The following PRKG1 variants were observed in gnomAD, a reference collection of about 807,000 sequenced individuals.
PRKG1 encodes protein kinase cGMP-dependent 1, also known as cGMP-dependent protein kinase 1.
PRKG1 carries 35 observed loss-of-function variants against 88.1 expected under a neutral mutation model. The ratio of observed to expected loss-of-function variants is 0.40; its 90% confidence interval spans 0.30 to 0.53. PRKG1 has a LOEUF of 0.53. PRKG1 is among the 20% of genes least tolerant of loss of function. The pLI is 0.59. For missense variants in PRKG1, 540 were observed against 839.8 expected, an observed-to-expected ratio of 0.64 and a Z score of 4.41; for synonymous variants, 303 against 292.5, an observed-to-expected ratio of 1.04 and a Z score of -0.37.
chr10:52,028,652 A>C (rs1015485224), intron 5 of PRKG1, among the ~76,000 whole-genome samples: 2 of 152,184 alleles, frequency 1.3e-5, no homozygotes, highest in African/African-American at 4.8e-5. Context: ...TCCAATACCT[A>C]GTTTATTTTT....
Position 51,153,262 on chromosome 10 carries a change from TG to T in PRKG1, c.412del (p.Glu138SerfsTer33). On this transcript the variant is annotated frameshift_variant, in exon 2 of 18. Coordinates refer to ENST00000373980, the MANE Select transcript of PRKG1 (RefSeq NM_006258.4). LOFTEE classifies it high-confidence loss of function. ...GAGATTGTGGATTGTATGTACCCGG[TG>T]GAGTATGGCAAGGACAGTTGCATCA... ...IQEIVDCMYP[V>X]EYGKDSCIIK... The T allele has an allele frequency of 6.2e-7, 1 of 1,612,574 alleles. No homozygotes were observed. The highest frequency in any genetic ancestry group is 2.2e-5 in the East Asian group (1 of 44,860).
At chr10:51,712,036 G>A (rs545258598) in intron 3 of PRKG1, among the ~76,000 whole-genome samples, 1 of 152,282 alleles carries the variant, frequency 6.6e-6, no homozygotes, top group South Asian at 2.1e-4. Flanking sequence ...ATGACTGTAA[G>A]TTTTATATGA....
chr10:51,686,036 C>T (rs754290278), intron 3 of PRKG1, among the ~76,000 whole-genome samples: 1 of 152,084 alleles, frequency 6.6e-6, no homozygotes, highest in Non-Finnish European at 1.5e-5. Flanking sequence ...CTATGTAATC[C>T]TGGGTAAATG....
chr10:51,681,655 C>T (rs1158355831), intron 3 of PRKG1, among the ~76,000 whole-genome samples: 1 of 152,070 alleles, frequency 6.6e-6, no homozygotes, highest in East Asian at 1.9e-4. Flanking sequence ...TTTTAATACA[C>T]TTCACTTGAG....
At chr10:51,000,766 G>A (rs976122019) in intron 1 of PRKG1, among the ~76,000 whole-genome samples, 8 of 152,090 alleles carry the variant, frequency 5.3e-5, no homozygotes, top group African/African-American at 1.9e-4. Flanking sequence ...AGAATGAGGT[G>A]TAAAAATACA....
rs566085471 is a variant in PRKG1 at position 51,993,611 on chromosome 10, T to G, written c.763-60873T>G. Reference sequence around the variant, plus strand: ...GATTCTGGCTCTCACTGGGTCATACTGAGGATTCAAGAAATTGAAATAGGT... The same window carrying G: ...GATTCTGGCTCTCACTGGGTCATACGGAGGATTCAAGAAATTGAAATAGGT... On this transcript the variant is annotated intron_variant, in intron 5 of 17. Transcript: ENST00000373980. 1.8e-4 allele frequency among the ~76,000 whole-genome samples: 28 copies of G among 152,304 alleles called. No individual in the cohort carries two copies. In the South Asian group the frequency reaches 1.9e-3, roughly 10 times the overall value.
chr10:52,195,352 A>G (rs1363412431), intron 9 of PRKG1, among the ~76,000 whole-genome samples: 1 of 152,152 alleles, frequency 6.6e-6, no homozygotes, highest in Non-Finnish European at 1.5e-5. Flanking sequence ...AACCAAAACT[A>G]TATCTATAAT....
chr10:51,145,823 T>G (rs1589192532), intron 1 of PRKG1, among the ~76,000 whole-genome samples: 1 of 152,232 alleles, frequency 6.6e-6, no homozygotes, highest in East Asian at 1.9e-4. Context: ...GTGAGAGTAT[T>G]AGTTAAAATG....
At chr10:52,253,890 C>T (rs906993918) in intron 10 of PRKG1, among the ~76,000 whole-genome samples, 1 of 147,782 alleles carries the variant, frequency 6.8e-6, no homozygotes, top group East Asian at 2.0e-4. Flanking sequence ...TTTACGGCCA[C>T]ATCAGCTTTT....
intron 8 of PRKG1, among the ~76,000 whole-genome samples, chr10:52,145,525 C>A (rs962365445): frequency 6.6e-6 from 1 of 152,018 alleles, no homozygotes; most frequent in Non-Finnish European, 1.5e-5. Flanking sequence ...TTTGAGGAGA[C>A]GTTATAATGC....
At chr10:51,194,049 A>G (rs908008326) in intron 2 of PRKG1, among the ~76,000 whole-genome samples, 1 of 152,132 alleles carries the variant, frequency 6.6e-6, no homozygotes, top group Non-Finnish European at 1.5e-5. Flanking sequence ...CTATTAATTC[A>G]AATTCATTAA....
chr10:51,809,063 G>A (rs1169516412), intron 4 of PRKG1, among the ~76,000 whole-genome samples: 1 of 152,166 alleles, frequency 6.6e-6, no homozygotes, highest in Non-Finnish European at 1.5e-5. Flanking sequence ...TAAATGCACT[G>A]CTAACAGGCA....
intron 5 of PRKG1, among the ~76,000 whole-genome samples, chr10:51,972,805 C>CT (rs1316057291): frequency 6.6e-6 from 1 of 151,692 alleles, no homozygotes; most frequent in African/African-American, 2.4e-5. Flanking sequence ...ATCAGAATTA[C>CT]TTTTTTGTGG....
intron 3 of PRKG1, among the ~76,000 whole-genome samples, chr10:51,468,214 T>C (rs1190410817): frequency 6.6e-6 from 1 of 151,934 alleles, no homozygotes; most frequent in Non-Finnish European, 1.5e-5. Context: ...ATTCTTCACA[T>C]AAATTCCACT....
At chr10:50,992,719 C>T (rs1842794909) in intron 1 of PRKG1, among the ~76,000 whole-genome samples, 1 of 152,118 alleles carries the variant, frequency 6.6e-6, no homozygotes, top group Non-Finnish European at 1.5e-5. Flanking sequence ...CACTCGTCGC[C>T]TTCACCGGAG....
At chr10:51,465,151 A>T (rs984945315) in intron 2 of PRKG1, among the ~76,000 whole-genome samples, 1 of 152,134 alleles carries the variant, frequency 6.6e-6, no homozygotes, top group Non-Finnish European at 1.5e-5. Flanking sequence ...ACTCTTTCCT[A>T]TGGGGCGAAT....
At chr10:51,050,486 C>A (rs747494090) in intron 1 of PRKG1, among the ~76,000 whole-genome samples, 1 of 152,070 alleles carries the variant, frequency 6.6e-6, no homozygotes, top group East Asian at 1.9e-4. Context: ...TGTTGCAATG[C>A]ATTTCCTTCT....
intron 3 of PRKG1, among the ~76,000 whole-genome samples, chr10:51,688,578 T>TC (rs914282930): frequency 9.2e-5 from 14 of 151,448 alleles, no homozygotes; most frequent in Non-Finnish European, 2.1e-4. Flanking sequence ...TTTTTTTTTT[T>TC]TTTTTTTAGT....
intron 2 of PRKG1, among the ~76,000 whole-genome samples, chr10:51,281,403 C>T (rs113670906): frequency 0.14 from 20,670 of 152,158 alleles, 1,517 homozygotes; most frequent in East Asian, 0.19. Flanking sequence ...GCAAATGGCA[C>T]AGGAGGAGAT....
Sources: gnomAD v4.1 joint callset for allele counts (sites outside exome capture counted in the v4.1 genomes callset) on GRCh38, gnomAD v4.1.1 for gene constraint, MANE v1.5 for transcripts, NCBI Gene and HGNC (gene_info 2026-07-23, HGNC 2026-07-21) for gene names.